VDAC1: variants seen among roughly 807,000 people sequenced by gnomAD.
VDAC1 encodes the protein voltage dependent anion channel 1.
In VDAC1, 10 loss-of-function variants were observed where a neutral mutation model predicts 34.7. The observed-to-expected ratio is 0.29, with a 90% CI of 0.18 to 0.49. The LOEUF (loss-of-function observed/expected upper bound fraction) is 0.49. Ranked by LOEUF, VDAC1 falls within the 20% of genes least tolerant of loss-of-function variation. The probability of loss-of-function intolerance (pLI) is 0.99; values close to 1 mark genes in which losing one functional copy is unlikely to be tolerated. For missense variants in VDAC1, 230 were observed against 347.9 expected (o/e 0.66, Z 2.69); for synonymous variants, 130 against 136.0 (o/e 0.96, Z 0.30).
chr5:134,090,196 G>C, the VDAC1 span, among the ~76,000 whole-genome samples: 2 of 152,080 alleles, frequency 1.3e-5, no homozygotes, highest in Non-Finnish European at 2.9e-5. Flanking sequence ...ACCTACCCAA[G>C]GTTTGCCCTT....
chr5:133,980,490 T>C (rs1752647266), intron 6 of VDAC1, among the ~76,000 whole-genome samples: 1 of 152,094 alleles, frequency 6.6e-6, no homozygotes. Flanking sequence ...TGTGTACCTG[T>C]GGCAATATAT....
chr5:134,005,149 C>G (rs1008681781), upstream of VDAC1: 1 of 152,194 alleles, frequency 6.6e-6, no homozygotes. Context: ...ACGCGCGGGG[C>G]TCCTGGGCCT....
the VDAC1 span, among the ~76,000 whole-genome samples, chr5:134,016,746 C>A: frequency 6.6e-6 from 1 of 152,194 alleles, no homozygotes; most frequent in Admixed American, 6.5e-5. Flanking sequence ...ATTAAAATGG[C>A]CTGGCATCTT....
chr5:134,035,004 A>G, the VDAC1 span, among the ~76,000 whole-genome samples: 1 of 147,836 alleles, frequency 6.8e-6, no homozygotes, highest in Non-Finnish European at 1.5e-5. Flanking sequence ...CTGAACATAC[A>G]CTTCCTAGCT....
the VDAC1 span, among the ~76,000 whole-genome samples, chr5:134,098,169 CTTATTA>C: frequency 5.2e-3 from 761 of 146,934 alleles, 8 homozygotes; most frequent in South Asian, 0.046. Context: ...CCATGCCCTG[CTTATTA>C]TTATTATTAT....
At chr5:134,084,393 T>C in the VDAC1 span, among the ~76,000 whole-genome samples, 2 of 152,100 alleles carry the variant, frequency 1.3e-5, no homozygotes, top group Non-Finnish European at 2.9e-5. Context: ...TGGAGCTGCA[T>C]GGGGTAAGGA....
chr5:134,106,180 C>T, the VDAC1 span, among the ~76,000 whole-genome samples: 2 of 152,204 alleles, frequency 1.3e-5, no homozygotes, highest in Admixed American at 6.5e-5. Context: ...GGAACTTGAC[C>T]TTCTTGGGTC....
chr5:134,059,711 A>G, the VDAC1 span, among the ~76,000 whole-genome samples: 3 of 152,146 alleles, frequency 2.0e-5, no homozygotes, highest in South Asian at 6.2e-4. Context: ...AATGAAGCCA[A>G]CCACACCCTA....
At chr5:134,050,023 G>T in the VDAC1 span, among the ~76,000 whole-genome samples, 4 of 152,148 alleles carry the variant, frequency 2.6e-5, no homozygotes, top group Non-Finnish European at 5.9e-5. Flanking sequence ...GGCTGAGGAC[G>T]GCGGATCATG....
the VDAC1 span, among the ~76,000 whole-genome samples, chr5:134,060,014 C>A: frequency 6.6e-6 from 1 of 151,772 alleles, no homozygotes; most frequent in Non-Finnish European, 1.5e-5. Flanking sequence ...CTGCACCCTG[C>A]ACGCCCTCCA....
At chr5:134,060,058 AG>A in the VDAC1 span, among the ~76,000 whole-genome samples, 1 of 151,716 alleles carries the variant, frequency 6.6e-6, no homozygotes, top group Non-Finnish European at 1.5e-5. Flanking sequence ...CCCACACCCC[AG>A]GGCCCCTGCT....
At chr5:134,075,275 T>C in the VDAC1 span, among the ~76,000 whole-genome samples, 1 of 113,830 alleles carries the variant, frequency 8.8e-6, no homozygotes, top group Admixed American at 8.8e-5. Flanking sequence ...TTCACACTGC[T>C]ATCTGCATGC....
the VDAC1 span, among the ~76,000 whole-genome samples, chr5:134,086,759 C>T: frequency 1.3e-5 from 2 of 152,126 alleles, no homozygotes; most frequent in Non-Finnish European, 2.9e-5. Context: ...CCAGTACAGG[C>T]AGCACAGAGG....
chr5:134,018,979 A>G, the VDAC1 span, among the ~76,000 whole-genome samples: 1 of 152,132 alleles, frequency 6.6e-6, no homozygotes, highest in East Asian at 1.9e-4. Context: ...GGAAAGGACA[A>G]TGGAAGCTCT....
At chr5:134,114,342 A>G in the VDAC1 span, among the ~76,000 whole-genome samples, 1 of 152,012 alleles carries the variant, frequency 6.6e-6, no homozygotes, top group Non-Finnish European at 1.5e-5. Context: ...AGTTCACACC[A>G]CGGCTGCGAT....
chr5:134,062,661 C>T, the VDAC1 span, among the ~76,000 whole-genome samples: 2 of 151,676 alleles, frequency 1.3e-5, no homozygotes, highest in African/African-American at 4.8e-5. Flanking sequence ...GAGTCTTGCT[C>T]TGTTGCCCAG....
chr5:134,023,586 G>A, the VDAC1 span, among the ~76,000 whole-genome samples: 471 of 151,914 alleles, frequency 3.1e-3, 3 homozygotes, highest in African/African-American at 0.011. Context: ...AACGTTCTTC[G>A]GAACATTCAT....
chr5:134,101,404 A>G, the VDAC1 span, among the ~76,000 whole-genome samples: 1 of 152,164 alleles, frequency 6.6e-6, no homozygotes. Flanking sequence ...AGCCCGGCCA[A>G]CATGGTGAAA....
chr5:133,998,125 A>C (rs1753404407), intron 1 of VDAC1, among the ~76,000 whole-genome samples: 1 of 152,102 alleles, frequency 6.6e-6, no homozygotes, highest in South Asian at 2.1e-4. Context: ...TTAAATGAAA[A>C]AAGTCAGAAA....
Sources: allele counts gnomAD v4.1 joint callset (sites outside exome capture counted in the v4.1 genomes callset), GRCh38; gene constraint gnomAD v4.1.1; transcripts MANE v1.5; gene names NCBI Gene and HGNC (gene_info 2026-07-23, HGNC 2026-07-21).